The following DDX55 variants were observed in gnomAD, a reference collection of about 807,000 sequenced individuals.
DDX55 encodes the protein ATP-dependent RNA helicase DDX55.
In DDX55, 56 loss-of-function variants were observed where a neutral mutation model predicts 69.2. The observed-to-expected ratio is 0.81, with a 90% CI of 0.65 to 1.01. The LOEUF (loss-of-function observed/expected upper bound fraction) is 1.01, where lower values mean the gene tolerates loss of function less well. Among genes scored for constraint, DDX55 ranks in the 50% least tolerant of loss-of-function variants. The pLI is 0.00. For missense variants in DDX55, 720 were observed against 745.1 expected (o/e 0.97, Z 0.39); for synonymous variants, 268 against 273.1 (o/e 0.98, Z 0.18).
intron 3 of DDX55, among the ~76,000 whole-genome samples, chr12:123,606,581 AC>A (rs1953905854): frequency 1.0e-5 from 1 of 97,406 alleles, no homozygotes; most frequent in Non-Finnish European, 2.2e-5. Context: ...CATGTTTTTT[AC>A]CTTTTTTTTT....
chr12:123,615,713 G>A (rs941143535), intron 9 of DDX55, among the ~76,000 whole-genome samples: 2 of 152,252 alleles, frequency 1.3e-5, no homozygotes, highest in Non-Finnish European at 2.9e-5. Context: ...GGCCGGACAC[G>A]GTGGCTCACG....
At chr12:123,613,458 C>T (rs1954420291) in intron 8 of DDX55, among the ~76,000 whole-genome samples, 1 of 152,180 alleles carries the variant, frequency 6.6e-6, no homozygotes, top group Non-Finnish European at 1.5e-5. Flanking sequence ...CAGGCAGTTT[C>T]TCACATGGGT....
At chr12:123,610,157 G>T in intron 7 of DDX55, 29 bp downstream of exon 7, 1 of 1,602,562 alleles carries the variant, frequency 6.2e-7, no homozygotes. Flanking sequence ...TTCTTACTCA[G>T]CGATAATGAC....
intron 7 of DDX55, among the ~76,000 whole-genome samples, chr12:123,611,620 C>T (rs762454198): frequency 4.6e-5 from 7 of 152,142 alleles, no homozygotes; most frequent in African/African-American, 1.2e-4. Context: ...GTGAGGTTGT[C>T]GAGGCTGCTC....
At chr12:123,615,644 T>C (rs1954600565) in intron 9 of DDX55, among the ~76,000 whole-genome samples, 1 of 152,204 alleles carries the variant, frequency 6.6e-6, no homozygotes, top group Non-Finnish European at 1.5e-5. Flanking sequence ...GTGATGACTG[T>C]CAAGCAGCAA....
chr12:123,609,534 C>T (rs1375797640), intron 6 of DDX55, among the ~76,000 whole-genome samples: 6 of 146,830 alleles, frequency 4.1e-5, no homozygotes, highest in Non-Finnish European at 7.5e-5. Flanking sequence ...TGCCATCATG[C>T]TTTTTTTTTT....
chr12:123,603,580 C>T (rs765380399), intron 1 of DDX55, among the ~76,000 whole-genome samples: 138 of 151,640 alleles, frequency 9.1e-4, no homozygotes, highest in Non-Finnish European at 3.5e-4. Context: ...TTAGTAGATA[C>T]GGGGTTTCAC....
At position 123,607,533 on chromosome 12, in the gene DDX55, ATGCAG is replaced by A. The variant is rs1566183537; in HGVS notation, c.338+13_338+17del. The A allele has an allele frequency of 6.2e-7, 1 of 1,614,170 alleles. No individual in the cohort carries two copies. On this transcript the variant is annotated intron_variant, in intron 4 of 13. Coordinates refer to ENST00000238146, the MANE Select transcript of DDX55 (RefSeq NM_020936.3). ...ACTTCCCCGAGTTCAGGTGAATTGG[ATGCAG>A]TGTCCCTGTTAGTCATGGGCTGTTT... is the stretch of plus-strand genomic sequence containing the variant.
Position 123,617,790 on chromosome 12 carries a change from G to T in DDX55, c.1082G>T (p.Arg361Leu), listed in dbSNP as rs375398824. 3 of 1,613,372 alleles carry T rather than the reference G, an allele frequency of 1.9e-6. No homozygotes were observed. Among genetic ancestry groups the T allele is most frequent in the Non-Finnish European group, 2.5e-6 (3 of 1,179,804 alleles). ...GTGCATCGCTGCGGTCGCACAGCTC[G>T]CATTGGCCACGGGGGCAGCGCTCTG... Reference protein sequence around the residue: ...AFVHRCGRTARIGHGGSALVF... With the variant: ...AFVHRCGRTALIGHGGSALVF... Residue 361 changes from arginine to leucine, a missense_variant, in exon 11 of 14, where the codon CGC becomes CTC. Physicochemically the swap from Arg to Leu is moderately radical, Grantham distance 102. Transcript: ENST00000238146.
intron 12 of DDX55, among the ~76,000 whole-genome samples, 161 bp downstream of exon 12, chr12:123,618,998 A>G (rs1410699554): frequency 6.6e-6 from 1 of 152,192 alleles, no homozygotes; most frequent in East Asian, 1.9e-4. Context: ...TAACTTTGTA[A>G]AAATGTAATT....
intron 9 of DDX55, among the ~76,000 whole-genome samples, chr12:123,616,142 G>C (rs1225176573): frequency 6.6e-6 from 1 of 152,130 alleles, no homozygotes. Flanking sequence ...TTGAACATCT[G>C]ACTATATTAA....
chr12:123,607,794 C>T, intron 5 of DDX55, 132 bp downstream of exon 5: 1 of 1,258,732 alleles, frequency 7.9e-7, no homozygotes, highest in Non-Finnish European at 1.1e-6. Context: ...GTGTTTTCTC[C>T]AGGCCAGCTT....
Position 123,620,209 on chromosome 12 carries a change from T to C in DDX55, c.*69T>C. The C allele has an allele frequency of 1.3e-6, 2 of 1,499,014 alleles. No individual in the cohort carries two copies. Among genetic ancestry groups the C allele is most frequent in the East Asian group, 2.3e-5 (1 of 43,784 alleles). The allele number at this position is 1,499,014 out of a possible 1,614,324, so 92.9% of individuals were successfully genotyped here. ...AACTTGGTGGATGGCTCCAGTTTGC[T>C]TTTAACGAAAATCACAACTTCAGGA... On this transcript the variant is annotated 3_prime_UTR_variant, in exon 14 of 14. Coordinates refer to ENST00000238146, the MANE Select transcript of DDX55 (RefSeq NM_020936.3).
chr12:123,617,658 C>A, intron 10 of DDX55, 100 bp from the exon 11 acceptor site: 1 of 1,042,422 alleles, frequency 9.6e-7, no homozygotes, highest in Non-Finnish European at 1.4e-6. Context: ...AGGCTAGAGG[C>A]TCCCCAGAGC....
intron 9 of DDX55, among the ~76,000 whole-genome samples, chr12:123,616,013 AAAAAC>A (rs1215120859): frequency 6.6e-5 from 10 of 152,134 alleles, no homozygotes; most frequent in Non-Finnish European, 1.0e-4. Flanking sequence ...CAAAAAAACA[AAAAAC>A]TGTCTGTGGC....
At chr12:123,606,788 C>G (rs1953920018) in intron 3 of DDX55, among the ~76,000 whole-genome samples, 2 of 152,032 alleles carry the variant, frequency 1.3e-5, no homozygotes, top group South Asian at 4.1e-4. Context: ...GTTACCCAGG[C>G]TGGTCTTAAA....
chr12:123,611,749 T>C (rs890383718), intron 7 of DDX55, among the ~76,000 whole-genome samples: 16 of 151,796 alleles, frequency 1.1e-4, no homozygotes, highest in African/African-American at 3.9e-4. Flanking sequence ...GAAGTGGGAG[T>C]TGTAGTTGCC....
At chr12:123,616,811 A>G (rs1954705751) in intron 10 of DDX55, 2 of 567,870 alleles carry the variant, frequency 3.5e-6, no homozygotes, top group Non-Finnish European at 6.3e-6. Context: ...TGCTCCATGT[A>G]GAGCAAGGTT....
intron 1 of DDX55, chr12:123,605,269 C>T: frequency 6.4e-6 from 1 of 157,190 alleles, no homozygotes; most frequent in South Asian, 1.9e-4. Context: ...GGGATCTACC[C>T]ACCTGGGCCT....
Sources: allele counts gnomAD v4.1 joint callset (sites outside exome capture counted in the v4.1 genomes callset), GRCh38; gene constraint gnomAD v4.1.1; transcripts MANE v1.5; gene names NCBI Gene and HGNC (gene_info 2026-07-23, HGNC 2026-07-21).